The following PIGL variants were observed in gnomAD, a reference collection of about 807,000 sequenced individuals.
PIGL encodes N-acetylglucosaminyl-phosphatidylinositol de-N-acetylase.
A neutral mutation model predicts 31.1 loss-of-function variants in PIGL; 22 were observed. The observed-to-expected ratio is 0.71, with a 90% CI of 0.51 to 1.01. PIGL has a LOEUF of 1.01. Ranked by LOEUF, PIGL falls within the 50% of genes least tolerant of loss-of-function variation. The pLI, the probability that PIGL is intolerant of heterozygous loss-of-function variation, is 0.00. For synonymous variants in PIGL, 131 were observed against 117.4 expected (o/e 1.12, Z -0.75); for missense variants, 302 against 315.9 (o/e 0.96, Z 0.33).
At chr17:16,258,157 G>A (rs181804562) in intron 2 of PIGL, among the ~76,000 whole-genome samples, 3,923 of 131,100 alleles carry the variant, frequency 0.03, 276 homozygotes, top group Non-Finnish European at 0.048. Context: ...GAGAGAGAGA[G>A]AAAACTCGGA....
intron 2 of PIGL, 98 bp downstream of exon 2, chr17:16,234,168 A>G (rs900187052): frequency 4.3e-5 from 30 of 700,808 alleles, no homozygotes; most frequent in Non-Finnish European, 7.0e-5. Context: ...GGCTGAGAAC[A>G]TCTTGTATGA....
intron 2 of PIGL, among the ~76,000 whole-genome samples, chr17:16,272,549 T>C (rs755393479): frequency 6.6e-6 from 1 of 152,264 alleles, no homozygotes; most frequent in Non-Finnish European, 1.5e-5. Context: ...ATTATCTACA[T>C]GCATTGTCTT....
chr17:16,274,527 A>C (rs902753081), intron 2 of PIGL, among the ~76,000 whole-genome samples: 4 of 152,088 alleles, frequency 2.6e-5, no homozygotes, highest in African/African-American at 9.7e-5. Context: ...GTTCGAGATC[A>C]GCCTGGCCAA....
chr17:16,311,458 G>GTTTTTTTTATTTTTTT, intron 3 of PIGL, among the ~76,000 whole-genome samples: 1 of 5,860 alleles, frequency 1.7e-4, no homozygotes, highest in African/African-American at 8.9e-4. Flanking sequence ...AAGCACAGAG[G>GTTTTTTTTATTTTTTT]TTTTCTTTCT....
In PIGL at chr17:16,316,671, C is replaced by A; in HGVS notation, c.495-10C>A. 1 of 1,595,844 alleles carries A rather than the reference C, an allele frequency of 6.3e-7. No homozygotes were observed. ...TTACTCCTCTCACTCTTGTCCTATC[C>A]CTCCTCCAGGGCCCTGCACTCAGAA... On this transcript the variant is annotated splice_polypyrimidine_tract_variant and intron_variant, in intron 4 of 6. Transcript: ENST00000225609.
intron 2 of PIGL, among the ~76,000 whole-genome samples, chr17:16,250,972 CT>C (rs1200017656): frequency 6.6e-6 from 1 of 152,126 alleles, no homozygotes; most frequent in Non-Finnish European, 1.5e-5. Context: ...GTTTTATTTT[CT>C]TTTTTTGTTT....
intron 1 of PIGL, among the ~76,000 whole-genome samples, chr17:16,221,495 G>A (rs1183072114): frequency 6.6e-6 from 1 of 150,968 alleles, no homozygotes; most frequent in Non-Finnish European, 1.5e-5. Flanking sequence ...TGTCGCCCGG[G>A]CTGGAGTGCA....
At chr17:16,223,240 AAT>A (rs2092637263) in intron 1 of PIGL, among the ~76,000 whole-genome samples, 1 of 152,174 alleles carries the variant, frequency 6.6e-6, no homozygotes, top group Non-Finnish European at 1.5e-5. Flanking sequence ...GATGTCATTG[AAT>A]ATATATGGTA....
In PIGL at chr17:16,310,744, A is replaced by G. The variant is rs527639213; in HGVS notation, c.427-2803A>G. Reference sequence around the variant, plus strand: ...TAGAGAGGGTTTCGCCATGTTGGCCAGGCTGGTCTTGAACTCCTGACCTCA... The same window carrying G: ...TAGAGAGGGTTTCGCCATGTTGGCCGGGCTGGTCTTGAACTCCTGACCTCA... On this transcript the variant is annotated intron_variant, in intron 3 of 6. Coordinates refer to ENST00000225609, the MANE Select transcript of PIGL (RefSeq NM_004278.4). Among the ~76,000 whole-genome samples the G allele has an allele frequency of 9.2e-5, 14 of 152,320 alleles. No homozygotes were observed. In the East Asian group the frequency reaches 2.5e-3, roughly 27 times the overall value.
intron 5 of PIGL, chr17:16,317,032 G>A: frequency 1.8e-6 from 2 of 1,129,644 alleles, no homozygotes; most frequent in South Asian, 2.7e-5. Context: ...CAACCAATTA[G>A]GCAGGTTGTA....
intron 2 of PIGL, among the ~76,000 whole-genome samples, chr17:16,274,860 C>G (rs146893278): frequency 6.6e-6 from 1 of 151,864 alleles, no homozygotes; most frequent in African/African-American, 2.4e-5. Flanking sequence ...GGCAAAACCC[C>G]GTCTCTACTA....
chr17:16,222,675 G>T (rs138798790), intron 1 of PIGL, among the ~76,000 whole-genome samples: 93 of 150,600 alleles, frequency 6.2e-4, no homozygotes, highest in African/African-American at 2.1e-3. Flanking sequence ...GATTCCCAGT[G>T]TATGTTCCAA....
At chr17:16,292,992 A>C (rs989981995) in intron 2 of PIGL, among the ~76,000 whole-genome samples, 6 of 152,214 alleles carry the variant, frequency 3.9e-5, no homozygotes, top group African/African-American at 1.4e-4. Flanking sequence ...AATTGTTACT[A>C]TATTAGAGAA....
chr17:16,309,495 G>C (rs1374178530), intron 3 of PIGL, among the ~76,000 whole-genome samples: 2 of 152,152 alleles, frequency 1.3e-5, no homozygotes, highest in African/African-American at 4.8e-5. Context: ...GGGCACGGTG[G>C]CTCACACCTG....
At chr17:16,302,606 C>CT (rs370927939) in intron 3 of PIGL, among the ~76,000 whole-genome samples, 3 of 151,702 alleles carry the variant, frequency 2.0e-5, no homozygotes, top group Non-Finnish European at 2.9e-5. Context: ...TTTTCTTTTT[C>CT]TTTTTTTTCT....
rs542935318 is a variant in PIGL, at chr17:16,319,343, T to C, written c.660+1435T>C. On this transcript the variant is annotated intron_variant, in intron 6 of 6. Transcript: ENST00000225609. ...CACTGTATGTATATACCATAAGATATATCACGAATCCCTTACTGTTAGACA... is the reference window on the plus strand; with the variant it reads ...CACTGTATGTATATACCATAAGATACATCACGAATCCCTTACTGTTAGACA... Among the ~76,000 whole-genome samples, 3 of 152,086 alleles carry C rather than the reference T, an allele frequency of 2.0e-5. No homozygotes were observed. In the East Asian group the frequency reaches 5.8e-4, roughly 29 times the overall value.
intron 2 of PIGL, among the ~76,000 whole-genome samples, chr17:16,264,334 C>T (rs1010690915): frequency 1.3e-5 from 2 of 150,098 alleles, no homozygotes; most frequent in Non-Finnish European, 3.0e-5. Flanking sequence ...TTAGTAGAGA[C>T]GAGGTTTCAC....
In PIGL at chr17:16,220,397, A is replaced by G. The variant is rs2092621420; in HGVS notation, c.235+2936A>G. 3.4e-5 allele frequency among the ~76,000 whole-genome samples: 5 copies of G among 147,310 alleles called. No homozygotes were observed. The South Asian group carries it at 1.1e-3, about 32-fold the overall frequency. Reference sequence around the variant, plus strand: ...CATGCACTTGGCACTCAATGTTTTTATTGTATTTCATTATTTCCTCTGAAT... The same window carrying G: ...CATGCACTTGGCACTCAATGTTTTTGTTGTATTTCATTATTTCCTCTGAAT... On this transcript the variant is annotated intron_variant, in intron 1 of 6. Transcript: ENST00000225609.
At chr17:16,322,009 C>A (rs1194895684) in intron 6 of PIGL, among the ~76,000 whole-genome samples, 1 of 152,158 alleles carries the variant, frequency 6.6e-6, no homozygotes, top group African/African-American at 2.4e-5. Flanking sequence ...GTCTCGAACT[C>A]CCGACCTCAG....
Sources: allele counts gnomAD v4.1 joint callset (sites outside exome capture counted in the v4.1 genomes callset), GRCh38; gene constraint gnomAD v4.1.1; transcripts MANE v1.5; gene names NCBI Gene and HGNC (gene_info 2026-07-23, HGNC 2026-07-21).